The following PLCZ1 variants were observed in gnomAD, a reference collection of about 807,000 sequenced individuals.
The protein encoded by PLCZ1 is phospholipase C zeta 1.
Under a neutral mutation model 76.8 loss-of-function variants are expected in PLCZ1, and 64 were observed. That is an observed-to-expected ratio of 0.83 (90% CI 0.68 to 1.03). The LOEUF (loss-of-function observed/expected upper bound fraction) is 1.03. Ranked by LOEUF, PLCZ1 falls within the 50% of genes least tolerant of loss-of-function variation. The pLI is 0.00. For synonymous variants in PLCZ1, 248 were observed against 230.8 expected (o/e 1.07, Z -0.68); for missense variants, 751 against 713.7 (o/e 1.05, Z -0.60).
chr12:18,692,836 A>G, intron 12 of PLCZ1: 2 of 1,582,346 alleles, frequency 1.3e-6, no homozygotes, highest in Non-Finnish European at 1.7e-6. Context: ...CAACTCAAGG[A>G]CAAGAAAAAG....
chr12:18,700,498 T>C (rs1483588220), intron 9 of PLCZ1, among the ~76,000 whole-genome samples: 1 of 86,200 alleles, frequency 1.2e-5, no homozygotes, highest in Non-Finnish European at 2.1e-5. Flanking sequence ...CATAACCAGA[T>C]CAGAGCCAAC....
chr12:18,667,250 C>G, the PLCZ1 span, among the ~76,000 whole-genome samples: 1 of 152,126 alleles, frequency 6.6e-6, no homozygotes, highest in Non-Finnish European at 1.5e-5. Context: ...CTTCTTAGAG[C>G]TATGACAGCA....
chr12:18,699,993 T>C, intron 9 of PLCZ1, 43 bp from the exon 10 acceptor site: 1 of 1,560,490 alleles, frequency 6.4e-7, no homozygotes, highest in Non-Finnish European at 8.7e-7. Flanking sequence ...ATGCTAATCA[T>C]TGGGAAAAAA....
chr12:18,726,252 C>A (rs1172264441), intron 3 of PLCZ1, among the ~76,000 whole-genome samples: 2 of 152,130 alleles, frequency 1.3e-5, no homozygotes, highest in Non-Finnish European at 2.9e-5. Flanking sequence ...GGGTTCACTA[C>A]CACCTTTAAA....
chr12:18,661,699 A>T, the PLCZ1 span, among the ~76,000 whole-genome samples: 1 of 152,252 alleles, frequency 6.6e-6, no homozygotes, highest in South Asian at 2.1e-4. Context: ...TGCTGGTGGG[A>T]AAGAAATTAG....
chr12:18,658,492 G>T, the PLCZ1 span, among the ~76,000 whole-genome samples: 35 of 152,208 alleles, frequency 2.3e-4, no homozygotes, highest in Middle Eastern at 6.8e-3. Context: ...ATGGCTGATT[G>T]TTACCACAGA....
chr12:18,713,706 T>G (rs73346931), intron 5 of PLCZ1: 12,887 of 152,202 alleles, frequency 0.085, 1,494 homozygotes, highest in African/African-American at 0.26. Flanking sequence ...CGACTCATAA[T>G]TTCACTAGGA....
chr12:18,684,815 G>T (rs1952845421), intron 13 of PLCZ1, among the ~76,000 whole-genome samples: 1 of 151,968 alleles, frequency 6.6e-6, no homozygotes, highest in Non-Finnish European at 1.5e-5. Flanking sequence ...CAGGTGTTTA[G>T]GAAGACACCT....
At chr12:18,653,687 C>G in the PLCZ1 span, among the ~76,000 whole-genome samples, 1 of 152,080 alleles carries the variant, frequency 6.6e-6, no homozygotes, top group Non-Finnish European at 1.5e-5. Context: ...TCACCTCAAC[C>G]ACATGGTGTT....
intron 6 of PLCZ1, among the ~76,000 whole-genome samples, chr12:18,711,728 A>G (rs1027288813): frequency 6.6e-6 from 1 of 151,966 alleles, no homozygotes; most frequent in Non-Finnish European, 1.5e-5. Context: ...AGGGAGCTCA[A>G]TTTTAAACAT....
chr12:18,737,880 T>C (rs1309801956), intron 1 of PLCZ1, 52 bp downstream of exon 1: 2 of 281,194 alleles, frequency 7.1e-6, no homozygotes, highest in South Asian at 5.7e-5. Context: ...TCTTGAAACT[T>C]TGGGCTGCTT....
chr12:18,648,655 G>A, the PLCZ1 span, among the ~76,000 whole-genome samples: 1 of 151,946 alleles, frequency 6.6e-6, no homozygotes, highest in East Asian at 1.9e-4. Flanking sequence ...CTGCCACCCA[G>A]AGGCACGATT....
intron 12 of PLCZ1, among the ~76,000 whole-genome samples, 159 bp from the exon 13 acceptor site, chr12:18,688,377 C>A (rs1235806498): frequency 6.6e-6 from 1 of 151,936 alleles, no homozygotes; most frequent in Non-Finnish European, 1.5e-5. Flanking sequence ...AAATTTAAGT[C>A]TTTTATCCTC....
chr12:18,691,966 C>T (rs1322425004), intron 12 of PLCZ1, among the ~76,000 whole-genome samples: 2 of 152,142 alleles, frequency 1.3e-5, no homozygotes, highest in African/African-American at 4.8e-5. Context: ...CCATTCTCAG[C>T]TGAGATAAAG....
At chr12:18,678,775 G>A (rs992664553), downstream of PLCZ1, among the ~76,000 whole-genome samples, 1 of 151,932 alleles carries the variant, frequency 6.6e-6, no homozygotes, top group Non-Finnish European at 1.5e-5. Flanking sequence ...TCCAGTTTGG[G>A]GTTATTATAA....
At chr12:18,675,030 G>C in the PLCZ1 span, among the ~76,000 whole-genome samples, 14 of 152,164 alleles carry the variant, frequency 9.2e-5, no homozygotes, top group Admixed American at 4.6e-4. Context: ...GACGGCAATA[G>C]TCTGTAACTA....
the PLCZ1 span, among the ~76,000 whole-genome samples, chr12:18,673,589 C>T: frequency 6.6e-6 from 1 of 152,148 alleles, no homozygotes; most frequent in African/African-American, 2.4e-5. Flanking sequence ...TGTTATGTAA[C>T]AAATTACTCC....
the PLCZ1 span, among the ~76,000 whole-genome samples, chr12:18,655,851 G>A: frequency 2.0e-5 from 3 of 151,358 alleles, no homozygotes; most frequent in African/African-American, 7.3e-5. Context: ...AAAAAGCAAA[G>A]AATGCCTGAG....
At position 18,736,469 on chromosome 12, in the gene PLCZ1, G is replaced by T. The variant is rs1465473435; in HGVS notation, c.12-125C>A. On this transcript the variant is annotated intron_variant, in intron 2 of 14. Transcript: ENST00000266505. Reference sequence around the variant, plus strand: ...AAGAATATGTTTAAAGTAAATTATAGTATAATTGTATGATAAATATTTTTT... The same window carrying T: ...AAGAATATGTTTAAAGTAAATTATATTATAATTGTATGATAAATATTTTTT... 2.5e-6 allele frequency: 3 copies of T among 1,195,010 alleles called. No individual in the cohort carries two copies. In the Admixed American group the frequency reaches 8.3e-5, roughly 33 times the overall value. The allele number at this position is 1,195,010 out of a possible 1,614,324, so 74.0% of individuals were successfully genotyped here. A position where few individuals can be genotyped will look rare whatever the true frequency, so the allele number is the denominator to read the frequency against.
Sources: gnomAD v4.1 joint callset for allele counts (sites outside exome capture counted in the v4.1 genomes callset) on GRCh38, gnomAD v4.1.1 for gene constraint, MANE v1.5 for transcripts, NCBI Gene and HGNC (gene_info 2026-07-23, HGNC 2026-07-21) for gene names.